The following ZNF429 variants were observed in gnomAD, a reference collection of about 807,000 sequenced individuals.
The protein encoded by ZNF429 is zinc finger protein 429.
ZNF429 carries 53 observed loss-of-function variants against 56.8 expected under a neutral mutation model. The observed-to-expected ratio is 0.93, with a 90% CI of 0.75 to 1.17. The LOEUF (loss-of-function observed/expected upper bound fraction) is 1.17. ZNF429 is among the 50% of genes most tolerant of loss of function. ZNF429 has a pLI of 0.00. For missense variants in ZNF429, 849 were observed against 788.4 expected (o/e 1.08, Z -0.92); for synonymous variants, 278 against 264.7 (o/e 1.05, Z -0.49).
chr19:21,534,624 G>C, intron 3 of ZNF429, among the ~76,000 whole-genome samples: 1 of 152,116 alleles, frequency 6.6e-6, no homozygotes, highest in Admixed American at 6.6e-5. Context: ...TTCCACCTTG[G>C]TGTCTAATGT....
chr19:21,522,218 T>C (rs1480513753), intron 1 of ZNF429, among the ~76,000 whole-genome samples: 1 of 152,236 alleles, frequency 6.6e-6, no homozygotes, highest in Non-Finnish European at 1.5e-5. Flanking sequence ...GTCGTGAAGA[T>C]AGGAAAAGTT....
intron 1 of ZNF429, among the ~76,000 whole-genome samples, chr19:21,519,936 A>C (rs1438716545): frequency 6.7e-6 from 1 of 150,072 alleles, no homozygotes; most frequent in Non-Finnish European, 1.5e-5. Flanking sequence ...AACTCAGCTC[A>C]CTGCAACCTC....
intron 1 of ZNF429, among the ~76,000 whole-genome samples, chr19:21,509,824 G>C (rs1203356458): frequency 6.6e-6 from 1 of 152,136 alleles, no homozygotes; most frequent in African/African-American, 2.4e-5. Flanking sequence ...TTACCAAGGA[G>C]TATTGCAACA....
At chr19:21,511,218 C>T (rs918079213) in intron 1 of ZNF429, among the ~76,000 whole-genome samples, 1 of 151,632 alleles carries the variant, frequency 6.6e-6, no homozygotes, top group African/African-American at 2.4e-5. Context: ...GCTGACCCCC[C>T]ACCTCCCTCC....
chr19:21,536,221 G>A, intron 3 of ZNF429, 59 bp from the exon 4 acceptor site: 4 of 1,475,118 alleles, frequency 2.7e-6, no homozygotes, highest in Admixed American at 2.4e-5. Context: ...TTTTGTTTGT[G>A]ACGTATATAT....
In ZNF429 at chr19:21,537,144, CT is replaced by C. The variant is rs2033723510; in HGVS notation, c.1092del (p.Gly365GlufsTer319). On this transcript the variant is annotated frameshift_variant, in exon 4 of 4. Transcript: ENST00000358491. LOFTEE classifies it high-confidence loss of function. ...STLTKHKVIH[T>X]GEKPYKCEEC... ...CTTACTAAACATAAGGTAATTCATACTGGAGAGAAGCCCTACAAATGTGAAG... is the reference window on the plus strand; with the variant it reads ...CTTACTAAACATAAGGTAATTCATACGGAGAGAAGCCCTACAAATGTGAAG... 1 of 1,613,520 alleles carries C rather than the reference CT, an allele frequency of 6.2e-7. No homozygotes were observed. Among genetic ancestry groups the C allele is most frequent in the Middle Eastern group, 1.7e-4 (1 of 6,056 alleles).
intron 1 of ZNF429, among the ~76,000 whole-genome samples, chr19:21,510,870 T>G (rs35366148): frequency 0.16 from 24,517 of 151,802 alleles, 2,064 homozygotes; most frequent in Middle Eastern, 0.2. Context: ...GGACACAGCA[T>G]ATGTTTCAGA....
chr19:21,524,938 T>C (rs1030856442), intron 1 of ZNF429, among the ~76,000 whole-genome samples: 2 of 152,156 alleles, frequency 1.3e-5, no homozygotes, highest in Non-Finnish European at 2.9e-5. Flanking sequence ...GGAGGAGGTC[T>C]GGAGACTCAA....
At position 21,538,131 on chromosome 19, in the gene ZNF429, T is replaced by G; in HGVS notation, c.*53T>G. 7 of 649,772 alleles carry G rather than the reference T, an allele frequency of 1.1e-5. No homozygotes were observed. Among genetic ancestry groups the G allele is most frequent in the East Asian group, 3.2e-5 (1 of 31,066 alleles). 40.3% of individuals were successfully genotyped at this position (649,772 alleles called of 1,614,324 possible). A position where few individuals can be genotyped will look rare whatever the true frequency, so the allele number is the denominator to read the frequency against. On this transcript the variant is annotated 3_prime_UTR_variant, in exon 4 of 4. Transcript: ENST00000358491. ...ATACAAAAAAAAAAAAAAAAAAAAT[T>G]AGCCAGGCGTGGTGGTGGGCACTTG...
chr19:21,535,412 T>TTCTTTCTTTCTTTC, intron 3 of ZNF429, among the ~76,000 whole-genome samples: 1 of 55,358 alleles, frequency 1.8e-5, no homozygotes, highest in African/African-American at 9.8e-5. Context: ...TTTCTTTTTC[T>TTCTTTCTTTCTTTC]TTTCTTTCTT....
chr19:21,534,300 A>AAGTGATCCT, intron 3 of ZNF429, among the ~76,000 whole-genome samples: 2 of 111,142 alleles, frequency 1.8e-5, no homozygotes, highest in Admixed American at 8.9e-5. Flanking sequence ...TGGATTTTCC[A>AAGTGATCCT]GTTTTACTTT....
chr19:21,533,708 T>C, intron 3 of ZNF429, among the ~76,000 whole-genome samples: 1 of 151,040 alleles, frequency 6.6e-6, no homozygotes, highest in African/African-American at 2.4e-5. Context: ...CAGGCTGGAG[T>C]GTACCGGTGT....
chr19:21,506,874 T>C (rs556898421), intron 1 of ZNF429, among the ~76,000 whole-genome samples: 1 of 149,166 alleles, frequency 6.7e-6, no homozygotes, highest in South Asian at 2.2e-4. Context: ...GTTCAAGTAA[T>C]TCTCCTGCCT....
Position 21,535,325 on chromosome 19 carries a change from TTC to T in ZNF429, c.227-951_227-950del. On this transcript the variant is annotated intron_variant, in intron 3 of 3. Transcript: ENST00000358491. ...TTTCTTTCTTTCTTTCTTTCTTTCT[TTC>T]TCTTTTCTTTTCTTTCCTTTCCTTT... is the stretch of plus-strand genomic sequence containing the variant. Among the ~76,000 whole-genome samples, 25 of 124,706 alleles carry T rather than the reference TTC, an allele frequency of 2.0e-4. 2 individuals carry two copies. Among genetic ancestry groups the T allele is most frequent in the African/African-American group, 9.4e-4 (23 of 24,570 alleles). 81.8% of individuals were successfully genotyped at this position (124,706 alleles called of 152,430 possible). A position where few individuals can be genotyped will look rare whatever the true frequency, so the allele number is the denominator to read the frequency against.
chr19:21,525,272 A>C (rs115356839), intron 1 of ZNF429, among the ~76,000 whole-genome samples: 2,409 of 152,310 alleles, frequency 0.016, 72 homozygotes, highest in African/African-American at 0.055. Context: ...GAAAACCTTA[A>C]GAGATTTGCT....
intron 1 of ZNF429, chr19:21,529,327 C>T (rs1294874092): frequency 1.1e-5 from 2 of 188,868 alleles, no homozygotes; most frequent in Admixed American, 6.5e-5. Flanking sequence ...ATATACACAA[C>T]TCATTCTGTA....
intron 3 of ZNF429, among the ~76,000 whole-genome samples, chr19:21,535,296 C>CTTCTTTCTTTCTTTCCTTCT: frequency 1.2e-5 from 1 of 82,548 alleles, no homozygotes; most frequent in African/African-American, 5.5e-5. Flanking sequence ...CATTTCTTTC[C>CTTCTTTCTTTCTTTCCTTCT]TTCTTTCTTT....
At chr19:21,519,962 T>C (rs1433878801) in intron 1 of ZNF429, among the ~76,000 whole-genome samples, 1 of 151,782 alleles carries the variant, frequency 6.6e-6, no homozygotes, top group Non-Finnish European at 1.5e-5. Flanking sequence ...TTCAAGCAAT[T>C]CTCGTGCCTC....
chr19:21,531,299 C>A, intron 3 of ZNF429, among the ~76,000 whole-genome samples: 3 of 152,036 alleles, frequency 2.0e-5, no homozygotes, highest in Non-Finnish European at 2.9e-5. Flanking sequence ...GACCAAGCTA[C>A]AACCCCTCTC....
Sources: gnomAD v4.1 joint callset for allele counts (sites outside exome capture counted in the v4.1 genomes callset) on GRCh38, gnomAD v4.1.1 for gene constraint, MANE v1.5 for transcripts, NCBI Gene and HGNC (gene_info 2026-07-23, HGNC 2026-07-21) for gene names.